Variants in NPAS3 observed in about 807,000 individuals in gnomAD.
The protein encoded by NPAS3 is neuronal PAS domain-containing protein 3.
A neutral mutation model predicts 73.1 loss-of-function variants in NPAS3; 14 were observed. The observed-to-expected ratio is 0.19, with a 90% CI of 0.13 to 0.30. The LOEUF is 0.30. Among genes scored for constraint, NPAS3 ranks in the 10% least tolerant of loss-of-function variants. The pLI is 1.00. For missense variants in NPAS3, 1,096 were observed against 1,250.0 expected, an observed-to-expected ratio of 0.88 and a Z score of 1.86; for synonymous variants, 620 against 541.5, an observed-to-expected ratio of 1.14 and a Z score of -2.01.
At chr14:33,453,348 A>T (rs1831069657) in intron 4 of NPAS3, among the ~76,000 whole-genome samples, 1 of 152,254 alleles carries the variant, frequency 6.6e-6, no homozygotes, top group African/African-American at 2.4e-5. Flanking sequence ...GAGCCAGAGC[A>T]TAAAGAAGAT....
intron 4 of NPAS3, among the ~76,000 whole-genome samples, chr14:33,552,810 C>A (rs563621126): frequency 1.8e-4 from 27 of 152,084 alleles, no homozygotes; most frequent in African/African-American, 6.3e-4. Context: ...ATTACTTCTG[C>A]CAAGGTGGGA....
chr14:33,489,571 T>G (rs942522874), intron 4 of NPAS3, among the ~76,000 whole-genome samples: 8 of 151,364 alleles, frequency 5.3e-5, no homozygotes, highest in Admixed American at 3.9e-4. Flanking sequence ...GAATGTAAAC[T>G]TGTATTGTAA....
At chr14:33,372,475 T>A (rs12436471) in intron 4 of NPAS3, among the ~76,000 whole-genome samples, 23,851 of 152,118 alleles carry the variant, frequency 0.16, 2,320 homozygotes, top group East Asian at 0.36. Flanking sequence ...TGTAAAATCA[T>A]GTATTACAAA....
chr14:33,129,827 G>A (rs1031513879), intron 2 of NPAS3, among the ~76,000 whole-genome samples: 1 of 152,052 alleles, frequency 6.6e-6, no homozygotes, highest in African/African-American at 2.4e-5. Flanking sequence ...TGAATGACTA[G>A]CTTGGCAAAA....
chr14:33,580,120 A>T (rs2056605054), intron 5 of NPAS3, among the ~76,000 whole-genome samples: 1 of 152,304 alleles, frequency 6.6e-6, no homozygotes, highest in Admixed American at 6.5e-5. Flanking sequence ...TATGGTTGGT[A>T]ACCATTTTTA....
intron 4 of NPAS3, among the ~76,000 whole-genome samples, chr14:33,419,268 A>T (rs2048277321): frequency 6.6e-6 from 1 of 151,968 alleles, no homozygotes; most frequent in Non-Finnish European, 1.5e-5. Flanking sequence ...CTAACATTAG[A>T]GAAGAGACAA....
chr14:32,981,520 A>G (rs1356381511), intron 1 of NPAS3, among the ~76,000 whole-genome samples: 3 of 152,234 alleles, frequency 2.0e-5, no homozygotes, highest in African/African-American at 7.2e-5. Flanking sequence ...TGTTTTGCTG[A>G]GGAACTTTAT....
intron 4 of NPAS3, among the ~76,000 whole-genome samples, chr14:33,516,485 C>G (rs765672402): frequency 6.6e-6 from 1 of 152,082 alleles, no homozygotes; most frequent in African/African-American, 2.4e-5. Context: ...TCCCCTAGTA[C>G]GAGGAAAATA....
At chr14:33,521,702 C>T (rs1019879835) in intron 4 of NPAS3, among the ~76,000 whole-genome samples, 6 of 152,180 alleles carry the variant, frequency 3.9e-5, no homozygotes, top group African/African-American at 1.4e-4. Context: ...GAGACATCTT[C>T]CCAACTGAGT....
chr14:33,358,435 A>G (rs546192294), intron 3 of NPAS3, among the ~76,000 whole-genome samples: 2 of 152,112 alleles, frequency 1.3e-5, no homozygotes, highest in Non-Finnish European at 2.9e-5. Flanking sequence ...CGCCTGGAAC[A>G]TGCATCTGTA....
At chr14:33,725,483 T>C (rs961865652) in intron 6 of NPAS3, among the ~76,000 whole-genome samples, 1 of 152,166 alleles carries the variant, frequency 6.6e-6, no homozygotes, top group Non-Finnish European at 1.5e-5. Flanking sequence ...AATTTTCCTA[T>C]TTATACTTCA....
intron 6 of NPAS3, among the ~76,000 whole-genome samples, chr14:33,715,695 TA>T (rs1359545048): frequency 6.6e-6 from 1 of 152,162 alleles, no homozygotes; most frequent in African/African-American, 2.4e-5. Flanking sequence ...ATCTACAAAA[TA>T]AAGTTTAATA....
At chr14:33,072,048 G>A (rs1426486603) in intron 2 of NPAS3, among the ~76,000 whole-genome samples, 3 of 152,010 alleles carry the variant, frequency 2.0e-5, no homozygotes, top group South Asian at 2.1e-4. Flanking sequence ...GCACCACCAC[G>A]CCCAGCTAAT....
chr14:33,278,530 G>A (rs958192080), intron 3 of NPAS3, among the ~76,000 whole-genome samples: 4 of 150,316 alleles, frequency 2.7e-5, no homozygotes, highest in Non-Finnish European at 5.9e-5. Context: ...TCTCAAGAAC[G>A]ATAAGGGGAA....
intron 4 of NPAS3, among the ~76,000 whole-genome samples, chr14:33,483,693 T>C (rs539001706): frequency 3.0e-4 from 46 of 152,206 alleles, no homozygotes; most frequent in Non-Finnish European, 6.0e-4. Flanking sequence ...ATTATGAGAC[T>C]GCTAATGGAA....
At chr14:33,037,017 G>T (rs531082733) in intron 1 of NPAS3, among the ~76,000 whole-genome samples, 1 of 152,206 alleles carries the variant, frequency 6.6e-6, no homozygotes, top group South Asian at 2.1e-4. Flanking sequence ...GTAGATTTTT[G>T]TTTGGAAATT....
chr14:33,313,501 C>T (rs1018697514), intron 3 of NPAS3, among the ~76,000 whole-genome samples: 8 of 152,076 alleles, frequency 5.3e-5, no homozygotes, highest in Admixed American at 5.2e-4. Flanking sequence ...GCTCCTCATC[C>T]AGGCAGTGCT....
rs553342617 is a variant in NPAS3 at position 33,148,896 on chromosome 14, A to T, written c.141-66286A>T. Among the ~76,000 whole-genome samples the T allele has an allele frequency of 5.2e-3, 785 of 152,198 alleles. 2 individuals are homozygous for T. Among genetic ancestry groups the T allele is most frequent in the Non-Finnish European group, 8.9e-3 (606 of 68,004 alleles). On this transcript the variant is annotated intron_variant, in intron 2 of 11. Transcript: ENST00000356141. ...GAGATGGGGTCTTGCCATGTTGTCCAGGCTGGTCTCAAACTCCTGGGCTCA... is the reference window on the plus strand; with the variant it reads ...GAGATGGGGTCTTGCCATGTTGTCCTGGCTGGTCTCAAACTCCTGGGCTCA...
chr14:33,218,475 A>T (rs1040146367), intron 3 of NPAS3, among the ~76,000 whole-genome samples: 3 of 152,174 alleles, frequency 2.0e-5, no homozygotes, highest in African/African-American at 7.2e-5. Context: ...AAAGAAATTC[A>T]TTTTAATTTA....
Sources: allele counts gnomAD v4.1 joint callset (sites outside exome capture counted in the v4.1 genomes callset), GRCh38; gene constraint gnomAD v4.1.1; transcripts MANE v1.5; gene names NCBI Gene and HGNC (gene_info 2026-07-23, HGNC 2026-07-21).